PLSCR4: variants seen among roughly 807,000 people sequenced by gnomAD.
The protein encoded by PLSCR4 is Ca(2+)-dependent phospholipid scramblase 4.
PLSCR4 carries 25 observed loss-of-function variants against 36.3 expected under a neutral mutation model. The ratio of observed to expected loss-of-function variants is 0.69; its 90% CI spans 0.50 to 0.96. The LOEUF (loss-of-function observed/expected upper bound fraction) is 0.96, where lower values mean the gene tolerates loss of function less well. PLSCR4 is among the 40% of genes least tolerant of loss of function. PLSCR4 has a pLI of 0.00. For missense variants in PLSCR4, 408 were observed against 414.7 expected, an observed-to-expected ratio of 0.98 and a Z score of 0.14; for synonymous variants, 122 against 132.9, an observed-to-expected ratio of 0.92 and a Z score of 0.56.
intron 3 of PLSCR4, among the ~76,000 whole-genome samples, chr3:146,214,705 A>C (rs1423636642): frequency 6.6e-6 from 1 of 152,144 alleles, no homozygotes; most frequent in African/African-American, 2.4e-5. Context: ...TGTTTCAAGA[A>C]GAATGTGTAT....
intron 6 of PLSCR4, among the ~76,000 whole-genome samples, chr3:146,198,629 A>C (rs139116444): frequency 0.052 from 7,810 of 151,638 alleles, 613 homozygotes; most frequent in African/African-American, 0.17. Context: ...CTGATCTCAA[A>C]CTCCTGGCCT....
rs1025544601 is a variant in PLSCR4, at chr3:146,193,337, C to T, written c.*1074G>A. 1.3e-5 allele frequency: 2 copies of T among 152,054 alleles called. No homozygotes were observed. Among genetic ancestry groups the T allele is most frequent in the African/African-American group, 4.8e-5 (2 of 41,394 alleles). The allele number at this position is 152,054 out of a possible 1,614,324, so 9.4% of individuals were successfully genotyped here. A position where few individuals can be genotyped will look rare whatever the true frequency, so the allele number is the denominator to read the frequency against. On this transcript the variant is annotated 3_prime_UTR_variant, in exon 9 of 9. Transcript: ENST00000354952. ...TATTAAGCAGCGGTGGAATTTGTCG[C>T]TTTCACTTTTTATAAAGTGCTACAT... is the stretch of plus-strand genomic sequence containing the variant.
At position 146,192,811 on chromosome 3, in the gene PLSCR4, T is replaced by C. The variant is rs2033469243; in HGVS notation, c.*1600A>G. ...TAATATTTTAGAAAGCAGCAACTTT[T>C]ACTTTTTTTAAAAAAAAAAGCTAGT... On this transcript the variant is annotated 3_prime_UTR_variant, in exon 9 of 9. Coordinates refer to ENST00000354952, the MANE Select transcript of PLSCR4 (RefSeq NM_020353.3). 1 of 150,056 alleles carries C rather than the reference T, an allele frequency of 6.7e-6. No homozygotes were observed. The highest frequency in any genetic ancestry group is 1.9e-4 in the East Asian group (1 of 5,192). The allele number at this position is 150,056 out of a possible 1,614,324, so 9.3% of individuals were successfully genotyped here.
intron 1 of PLSCR4, among the ~76,000 whole-genome samples, chr3:146,226,869 A>G (rs2035500196): frequency 6.6e-6 from 1 of 152,054 alleles, no homozygotes; most frequent in Admixed American, 6.5e-5. Flanking sequence ...GAGTTTAAAG[A>G]AAAGAAAACT....
chr3:146,246,693 T>C (rs1252006639), intron 1 of PLSCR4, among the ~76,000 whole-genome samples: 1 of 152,104 alleles, frequency 6.6e-6, no homozygotes, highest in Non-Finnish European at 1.5e-5. Flanking sequence ...GAACGCCTCA[T>C]TGTGTCATTT....
chr3:146,200,955 T>C, intron 5 of PLSCR4, 80 bp downstream of exon 5: 1 of 884,444 alleles, frequency 1.1e-6, no homozygotes, highest in South Asian at 1.6e-5. Flanking sequence ...ATGATCAATA[T>C]AAAGAAGGAA....
intron 1 of PLSCR4, among the ~76,000 whole-genome samples, chr3:146,228,802 A>G (rs1440032022): frequency 6.6e-6 from 1 of 152,152 alleles, no homozygotes; most frequent in Non-Finnish European, 1.5e-5. Flanking sequence ...ATAAGATGCA[A>G]CTGAACTAAT....
intron 8 of PLSCR4, among the ~76,000 whole-genome samples, 196 bp downstream of exon 8, chr3:146,194,928 A>G (rs547126153): frequency 6.6e-6 from 1 of 152,332 alleles, no homozygotes; most frequent in South Asian, 2.1e-4. Flanking sequence ...CCTGAAAATT[A>G]TAAGTATTTT....
chr3:146,237,322 TAC>T (rs1456464438), intron 1 of PLSCR4, among the ~76,000 whole-genome samples: 1 of 152,012 alleles, frequency 6.6e-6, no homozygotes, highest in East Asian at 1.9e-4. Flanking sequence ...AGCCTGAAAA[TAC>T]ACAATCAAAA....
At chr3:146,248,489 GACACACACACAC>G (rs146267394) in intron 1 of PLSCR4, among the ~76,000 whole-genome samples, 1 of 149,368 alleles carries the variant, frequency 6.7e-6, no homozygotes, top group South Asian at 2.1e-4. Flanking sequence ...CACACACACA[GACACACACACAC>G]ACACACAGTG....
chr3:146,211,536 C>T (rs1246172853), intron 3 of PLSCR4, among the ~76,000 whole-genome samples: 1 of 152,016 alleles, frequency 6.6e-6, no homozygotes, highest in African/African-American at 2.4e-5. Flanking sequence ...ATATACAAAA[C>T]TTTTTAATTG....
Position 146,206,754 on chromosome 3 carries a change from A to G in PLSCR4, c.126T>C (p.Pro42=), listed in dbSNP as rs764527660. 2 of 1,581,246 alleles carry G rather than the reference A, an allele frequency of 1.3e-6. No homozygotes were observed. Among genetic ancestry groups the G allele is most frequent in the East Asian group, 4.6e-5 (2 of 43,636 alleles). Residue 42 remains proline (P), a synonymous_variant, in exon 4 of 9, where the codon CCT becomes CCC. Transcript: ENST00000354952. ...EYNSHFLPGP[P]GTAVPPPTGY... is the part of the protein sequence containing the mutation. ...CAGTAGGTGGAGGGACAGCTGTTCCAGGGGGTCCTGTGTTCAAAAGAAATC... is the reference window on the plus strand; with the variant it reads ...CAGTAGGTGGAGGGACAGCTGTTCCGGGGGGTCCTGTGTTCAAAAGAAATC...
At chr3:146,202,139 A>G (rs768506988) in intron 4 of PLSCR4, among the ~76,000 whole-genome samples, 59 of 152,100 alleles carry the variant, frequency 3.9e-4, no homozygotes, top group Non-Finnish European at 7.5e-4. Context: ...TTACATAAAA[A>G]CACAATGACA....
intron 3 of PLSCR4, among the ~76,000 whole-genome samples, chr3:146,214,866 G>T (rs967242156): frequency 1.3e-5 from 2 of 151,994 alleles, no homozygotes; most frequent in Admixed American, 1.3e-4. Context: ...ATTGTAAGTG[G>T]GGTATAACAG....
intron 3 of PLSCR4, among the ~76,000 whole-genome samples, chr3:146,209,637 C>T (rs572694472): frequency 1.3e-5 from 2 of 151,954 alleles, no homozygotes; most frequent in African/African-American, 4.8e-5. Flanking sequence ...TTTTGAATAA[C>T]TTTGATCATT....
chr3:146,196,509 A>T, intron 7 of PLSCR4, 123 bp downstream of exon 7: 1 of 898,992 alleles, frequency 1.1e-6, no homozygotes, highest in Non-Finnish European at 1.7e-6. Flanking sequence ...CTGGTTAATT[A>T]ACTCTTTCCT....
intron 1 of PLSCR4, among the ~76,000 whole-genome samples, chr3:146,237,476 G>A (rs541314740): frequency 2.8e-4 from 42 of 152,074 alleles, no homozygotes; most frequent in African/African-American, 1.0e-3. Flanking sequence ...ACATTCATTA[G>A]GCTATAACAT....
chr3:146,249,437 T>C (rs955253631), intron 1 of PLSCR4, among the ~76,000 whole-genome samples: 8 of 152,114 alleles, frequency 5.3e-5, no homozygotes, highest in Non-Finnish European at 1.0e-4. Context: ...TTAAAATGTA[T>C]GCTTATCAAA....
At chr3:146,195,076 A>G (rs2033644778) in intron 8 of PLSCR4, 48 bp downstream of exon 8, 1 of 1,559,338 alleles carries the variant, frequency 6.4e-7, no homozygotes, top group Non-Finnish European at 8.8e-7. Flanking sequence ...CTGCTTCTCC[A>G]TCAGAAAGAA....
Sources: gnomAD v4.1 joint callset for allele counts (sites outside exome capture counted in the v4.1 genomes callset) on GRCh38, gnomAD v4.1.1 for gene constraint, MANE v1.5 for transcripts, NCBI Gene and HGNC (gene_info 2026-07-23, HGNC 2026-07-21) for gene names.